ATP11B: variants seen among roughly 807,000 people sequenced by gnomAD.
ATP11B encodes the protein ATPase phospholipid transporting 11B (putative).
In ATP11B, 81 loss-of-function variants were observed where a neutral mutation model predicts 157.8. The observed-to-expected ratio is 0.51, with a 90% CI of 0.43 to 0.62. ATP11B has a LOEUF of 0.62. Among genes scored for constraint, ATP11B ranks in the 20% least tolerant of loss-of-function variants. The pLI, the probability that ATP11B is intolerant of heterozygous loss-of-function variation, is 0.00. For missense variants in ATP11B, 1,165 were observed against 1,402.2 expected (o/e 0.83, Z 2.70); for synonymous variants, 451 against 469.4 (o/e 0.96, Z 0.51).
At chr3:182,895,441 G>C (rs562210346) in intron 25 of ATP11B, among the ~76,000 whole-genome samples, 1 of 152,194 alleles carries the variant, frequency 6.6e-6, no homozygotes, top group South Asian at 2.1e-4. Context: ...AATTCTTATA[G>C]AAAACTGCGA....
intron 3 of ATP11B, 36 bp from the exon 4 acceptor site, chr3:182,829,636 A>G (rs1208415407): frequency 2.2e-6 from 3 of 1,380,844 alleles, no homozygotes; most frequent in Non-Finnish European, 3.0e-6. Flanking sequence ...CACAATATAA[A>G]AATATAATAT....
At chr3:182,804,306 C>T (rs998071586) in intron 1 of ATP11B, among the ~76,000 whole-genome samples, 2 of 151,340 alleles carry the variant, frequency 1.3e-5, no homozygotes, top group African/African-American at 4.9e-5. Context: ...AGTGCAGTGG[C>T]GTGATCTTGG....
chr3:182,903,940 G>T (rs551621185), intron 28 of ATP11B, among the ~76,000 whole-genome samples: 2 of 152,150 alleles, frequency 1.3e-5, no homozygotes, highest in African/African-American at 2.4e-5. Flanking sequence ...TTTTAGCAAA[G>T]CTAGATTTAA....
At chr3:182,854,142 G>T (rs753737863) in intron 10 of ATP11B, among the ~76,000 whole-genome samples, 4 of 152,160 alleles carry the variant, frequency 2.6e-5, no homozygotes, top group Non-Finnish European at 5.9e-5. Flanking sequence ...TTGAAAACAA[G>T]TCATAGACCT....
At chr3:182,916,037 CT>C in intron 29 of ATP11B, 1 of 985,068 alleles carries the variant, frequency 1.0e-6, no homozygotes, top group Non-Finnish European at 1.2e-6. Flanking sequence ...CCTGTTCATT[CT>C]TTTCTAGGGG....
chr3:182,864,096 C>G (rs1577042674), intron 12 of ATP11B, among the ~76,000 whole-genome samples: 1 of 152,106 alleles, frequency 6.6e-6, no homozygotes, highest in East Asian at 1.9e-4. Context: ...CCCTACCTTT[C>G]TTTTTGGATA....
At chr3:182,857,196 A>G (rs1720469506) in intron 10 of ATP11B, among the ~76,000 whole-genome samples, 1 of 152,188 alleles carries the variant, frequency 6.6e-6, no homozygotes, top group Non-Finnish European at 1.5e-5. Flanking sequence ...CCCAGGCTAG[A>G]GTGCAGTGGC....
chr3:182,839,105 A>G (rs1250736968), intron 7 of ATP11B, among the ~76,000 whole-genome samples: 1 of 152,240 alleles, frequency 6.6e-6, no homozygotes, highest in African/African-American at 2.4e-5. Context: ...GTAGGCACAA[A>G]AAAGAAAGAG....
chr3:182,804,675 G>GT (rs1289505743), intron 1 of ATP11B, among the ~76,000 whole-genome samples: 1 of 152,044 alleles, frequency 6.6e-6, no homozygotes, highest in East Asian at 1.9e-4. Context: ...ATATGATTCA[G>GT]TTTTTTTCTA....
intron 24 of ATP11B, among the ~76,000 whole-genome samples, chr3:182,888,699 T>A (rs942868263): frequency 1.3e-5 from 2 of 151,116 alleles, no homozygotes; most frequent in African/African-American, 4.9e-5. Flanking sequence ...TTTTTAAACT[T>A]TTTATTTATT....
rs967874000 is a variant in ATP11B, at chr3:182,918,677, A to G, written c.*573A>G. Reference sequence around the variant, plus strand: ...GTTCACAGAGCAAATTAGGAGAATCATTTCCAACCATTATTTACTGCAGTA... The same window carrying G: ...GTTCACAGAGCAAATTAGGAGAATCGTTTCCAACCATTATTTACTGCAGTA... On this transcript the variant is annotated 3_prime_UTR_variant, in exon 30 of 30. Transcript: ENST00000323116. The G allele has an allele frequency of 4.4e-5, 12 of 273,840 alleles. No individual in the cohort carries two copies. Among genetic ancestry groups the G allele is most frequent in the Non-Finnish European group, 8.1e-5 (12 of 148,334 alleles). 17.0% of individuals were successfully genotyped at this position (273,840 alleles called of 1,614,324 possible).
chr3:182,918,254 A>G lies in ATP11B; in HGVS notation c.*150A>G, dbSNP rs144938210. On this transcript the variant is annotated 3_prime_UTR_variant, in exon 30 of 30. Transcript: ENST00000323116. ...CTCAGAGTTATAATGGCAAACAAAC[A>G]GAAAGCATTAGTACAAGCCCCTCCC... 1.0e-4 allele frequency: 117 copies of G among 1,128,686 alleles called. 1 individual carries two copies. The African/African-American group carries it at 1.5e-3, about 14-fold the overall frequency. 69.9% of individuals were successfully genotyped at this position (1,128,686 alleles called of 1,614,324 possible).
intron 1 of ATP11B, among the ~76,000 whole-genome samples, chr3:182,800,041 TCAAG>T (rs568405949): frequency 6.6e-6 from 1 of 151,828 alleles, no homozygotes; most frequent in African/African-American, 2.4e-5. Context: ...ACACAGGAGT[TCAAG>T]GCGGCAGTGA....
intron 12 of ATP11B, 87 bp from the exon 13 acceptor site, chr3:182,865,369 A>G (rs1171063789): frequency 2.2e-6 from 3 of 1,347,964 alleles, no homozygotes; most frequent in Non-Finnish European, 3.0e-6. Flanking sequence ...ACTGGACTTC[A>G]GGAGAGCGAG....
chr3:182,899,145 G>T (rs1723772488), intron 28 of ATP11B, among the ~76,000 whole-genome samples: 1 of 143,394 alleles, frequency 7.0e-6, no homozygotes, highest in African/African-American at 2.6e-5. Flanking sequence ...ATCAGAATTT[G>T]AGTAATTTTT....
chr3:182,800,516 CTG>C (rs1321730520), intron 1 of ATP11B, among the ~76,000 whole-genome samples: 1 of 152,112 alleles, frequency 6.6e-6, no homozygotes, highest in Non-Finnish European at 1.5e-5. Flanking sequence ...GTGTGAGCCA[CTG>C]TGCCCAGACG....
rs1461101843 is a variant in ATP11B at position 182,867,409 on chromosome 3, A to G, written c.1653A>G (p.Glu551=). The G allele has an allele frequency of 1.2e-6, 2 of 1,611,430 alleles. No homozygotes were observed. Among genetic ancestry groups the G allele is most frequent in the Non-Finnish European group, 1.7e-6 (2 of 1,177,790 alleles). The change falls in exon 15 of 30, where the codon GAA becomes GAG. Residue 551 remains glutamate, a synonymous_variant. Transcript: ENST00000323116. ...IGIVFIGNSE[E]TMEVKTLGKL... is the part of the protein sequence containing the mutation. ...TTGTGTTTATTGGCAATTCTGAAGA[A>G]ACTATGGAGGTTAAAACTCTTGGAA...
At chr3:182,916,901 ATACT>A (rs1460274505) in intron 29 of ATP11B, 1 of 982,164 alleles carries the variant, frequency 1.0e-6, no homozygotes, top group Admixed American at 6.2e-5. Flanking sequence ...TCCCCTGTAA[ATACT>A]TACTCTTTAA....
At chr3:182,835,439 G>A (rs1341849567) in intron 4 of ATP11B, among the ~76,000 whole-genome samples, 4 of 152,158 alleles carry the variant, frequency 2.6e-5, no homozygotes, top group Non-Finnish European at 2.9e-5. Context: ...TAGATGTTAG[G>A]AAAAGGGTAG....
Sources: allele counts gnomAD v4.1 joint callset (sites outside exome capture counted in the v4.1 genomes callset), GRCh38; gene constraint gnomAD v4.1.1; transcripts MANE v1.5; gene names NCBI Gene and HGNC (gene_info 2026-07-23, HGNC 2026-07-21).